The following GALNTL6 variants were observed in gnomAD, a reference collection of about 807,000 sequenced individuals.
GALNTL6 encodes polypeptide N-acetylgalactosaminyltransferase-like 6.
GALNTL6 carries 46 observed loss-of-function variants against 73.7 expected under a neutral mutation model. The observed-to-expected ratio is 0.62, with a 90% CI of 0.49 to 0.80. The LOEUF is 0.80. Among genes scored for constraint, GALNTL6 ranks in the 30% least tolerant of loss-of-function variants. The pLI is 0.00. For missense variants in GALNTL6, 604 were observed against 755.0 expected, an observed-to-expected ratio of 0.80 and a Z score of 2.34; for synonymous variants, 259 against 263.7, an observed-to-expected ratio of 0.98 and a Z score of 0.17.
intron 5 of GALNTL6, among the ~76,000 whole-genome samples, chr4:172,413,542 T>C (rs1744517866): frequency 6.6e-6 from 1 of 152,190 alleles, no homozygotes; most frequent in Non-Finnish European, 1.5e-5. Flanking sequence ...TATTTCCACA[T>C]GGCAGCATGA....
intron 4 of GALNTL6, among the ~76,000 whole-genome samples, chr4:172,317,660 A>G (rs950620919): frequency 1.3e-5 from 2 of 152,172 alleles, no homozygotes; most frequent in African/African-American, 4.8e-5. Context: ...ATTTTTATGC[A>G]TAGTAGAAAA....
At chr4:172,286,095 G>A (rs1739236103) in intron 3 of GALNTL6, among the ~76,000 whole-genome samples, 1 of 152,074 alleles carries the variant, frequency 6.6e-6, no homozygotes, top group Non-Finnish European at 1.5e-5. Context: ...ATCATTTTGT[G>A]GATTTTGTAT....
intron 5 of GALNTL6, among the ~76,000 whole-genome samples, chr4:172,521,514 AAG>A (rs1440863657): frequency 5.9e-5 from 9 of 152,202 alleles, no homozygotes; most frequent in African/African-American, 9.6e-5. Flanking sequence ...TGAGTAATGA[AAG>A]AAGGTACCCT....
rs1470036869 is a variant in GALNTL6 at position 172,922,166 on chromosome 4, A to AG, written c.1042-8995_1042-8994insG. Among the ~76,000 whole-genome samples the AG allele has an allele frequency of 3.3e-5, 5 of 152,222 alleles. No individual in the cohort carries two copies. In the East Asian group the frequency reaches 5.8e-4, roughly 18 times the overall value. On this transcript the variant is annotated intron_variant, in intron 8 of 12. Transcript: ENST00000506823. ...TTTCTCTTGCCACCACCGTGTAAGA[A>AG]CTGCCTTTCACCTCCCGCCATGATT...
intron 5 of GALNTL6, among the ~76,000 whole-genome samples, chr4:172,443,689 A>G (rs889828605): frequency 2.0e-5 from 3 of 152,200 alleles, no homozygotes; most frequent in Non-Finnish European, 4.4e-5. Context: ...CTTATGTGAT[A>G]TCAGTAGCAT....
chr4:172,456,774 C>G (rs185695888), intron 5 of GALNTL6, among the ~76,000 whole-genome samples: 1 of 152,268 alleles, frequency 6.6e-6, no homozygotes, highest in East Asian at 1.9e-4. Context: ...TTGGAAAACA[C>G]TCTTCAGGAT....
intron 7 of GALNTL6, among the ~76,000 whole-genome samples, chr4:172,871,891 C>A (rs923737276): frequency 6.6e-6 from 1 of 152,026 alleles, no homozygotes; most frequent in African/African-American, 2.4e-5. Flanking sequence ...TCAAGTGATT[C>A]TCCCACCTCA....
intron 5 of GALNTL6, among the ~76,000 whole-genome samples, chr4:172,581,475 C>T (rs1737187468): frequency 6.6e-6 from 1 of 152,146 alleles, no homozygotes; most frequent in Admixed American, 6.5e-5. Flanking sequence ...TGTAGACAGC[C>T]CCCAGGACTC....
intron 5 of GALNTL6, among the ~76,000 whole-genome samples, chr4:172,434,012 T>G (rs149217087): frequency 8.5e-5 from 13 of 152,296 alleles, no homozygotes; most frequent in African/African-American, 3.1e-4. Flanking sequence ...TTTTTAATTC[T>G]GGGACACCTT....
chr4:172,190,964 A>T (rs1362183508), intron 2 of GALNTL6, among the ~76,000 whole-genome samples: 1 of 152,172 alleles, frequency 6.6e-6, no homozygotes, highest in African/African-American at 2.4e-5. Flanking sequence ...ATTTTTTCCT[A>T]GGTCTGCTTC....
chr4:171,859,428 C>A (rs2110875974), intron 2 of GALNTL6, among the ~76,000 whole-genome samples: 1 of 152,150 alleles, frequency 6.6e-6, no homozygotes, highest in South Asian at 2.1e-4. Flanking sequence ...TGAATAATGT[C>A]CCCTTGAGTC....
At chr4:171,968,685 G>T (rs1381699979) in intron 2 of GALNTL6, among the ~76,000 whole-genome samples, 1 of 152,130 alleles carries the variant, frequency 6.6e-6, no homozygotes, top group Admixed American at 6.6e-5. Context: ...CACTTTTCTT[G>T]TGGTAGAGAA....
At chr4:172,557,256 G>A (rs1736182135) in intron 5 of GALNTL6, among the ~76,000 whole-genome samples, 1 of 152,114 alleles carries the variant, frequency 6.6e-6, no homozygotes, top group Admixed American at 6.6e-5. Flanking sequence ...TCTGTCAAGT[G>A]AAAGTACTTA....
intron 5 of GALNTL6, among the ~76,000 whole-genome samples, chr4:172,360,463 C>T (rs1015430564): frequency 4.2e-5 from 6 of 144,402 alleles, no homozygotes; most frequent in Non-Finnish European, 7.5e-5. Context: ...TCTGTATTTA[C>T]ATAAAAAATG....
intron 2 of GALNTL6, among the ~76,000 whole-genome samples, chr4:172,198,027 C>T (rs1033141244): frequency 7.9e-5 from 12 of 152,054 alleles, no homozygotes; most frequent in African/African-American, 1.2e-4. Flanking sequence ...AGGAGAATGG[C>T]GTGAACCCAG....
intron 3 of GALNTL6, among the ~76,000 whole-genome samples, chr4:172,307,155 C>G (rs980221770): frequency 6.6e-6 from 1 of 152,164 alleles, no homozygotes; most frequent in African/African-American, 2.4e-5. Flanking sequence ...TGTGGCCATT[C>G]TCACAGGAGT....
intron 10 of GALNTL6, among the ~76,000 whole-genome samples, chr4:172,963,778 A>T (rs1181706016): frequency 6.6e-6 from 1 of 152,244 alleles, no homozygotes; most frequent in East Asian, 1.9e-4. Flanking sequence ...TCTCATGAAC[A>T]GTCGGGTCTG....
At chr4:172,431,136 G>T (rs756355878) in intron 5 of GALNTL6, among the ~76,000 whole-genome samples, 2 of 151,564 alleles carry the variant, frequency 1.3e-5, no homozygotes, top group Non-Finnish European at 2.9e-5. Flanking sequence ...AAATTGGTAA[G>T]GTTTTGTGTG....
At chr4:172,021,058 A>G (rs1741383123) in intron 2 of GALNTL6, among the ~76,000 whole-genome samples, 1 of 152,054 alleles carries the variant, frequency 6.6e-6, no homozygotes, top group South Asian at 2.1e-4. Flanking sequence ...ACCATATAAT[A>G]ATTTCAATTG....
Sources: gnomAD v4.1 joint callset for allele counts (sites outside exome capture counted in the v4.1 genomes callset) on GRCh38, gnomAD v4.1.1 for gene constraint, MANE v1.5 for transcripts, NCBI Gene and HGNC (gene_info 2026-07-23, HGNC 2026-07-21) for gene names.